Variants in MADD observed in about 807,000 individuals in gnomAD.
The protein encoded by MADD is MAP kinase-activating death domain protein.
A neutral mutation model predicts 176.7 loss-of-function variants in MADD; 109 were observed. That is an observed-to-expected ratio of 0.62 (90% CI 0.53 to 0.72). MADD has a LOEUF of 0.72. Among genes scored for constraint, MADD ranks in the 30% least tolerant of loss-of-function variants. The pLI is 0.00. For synonymous variants in MADD, 771 were observed against 771.3 expected, an observed-to-expected ratio of 1.00 and a Z score of 0.01; for missense variants, 1,914 against 2,045.5, an observed-to-expected ratio of 0.94 and a Z score of 1.24.
intron 3 of MADD, among the ~76,000 whole-genome samples, chr11:47,275,679 T>C (rs949157090): frequency 1.3e-5 from 2 of 152,260 alleles, no homozygotes; most frequent in African/African-American, 4.8e-5. Flanking sequence ...TTTGGTGTTT[T>C]AACTGTGGTT....
chr11:47,278,226 T>C lies in MADD; in HGVS notation c.1157T>C (p.Leu386Pro), dbSNP rs1311809820. Residue 386 changes from leucine to proline, a missense_variant, in exon 6 of 33, where the codon CTG (leucine) becomes CCG (proline). Around this residue, in one of 2 missense-constraint regions of MADD, gnomAD observed 1,767 missense variants for 1,836.0 expected, o/e 0.96. Transcript: ENST00000402192. ...CCTGCCAGCTTCTTCCTCTACAAAC[T>C]GGACTTCAAAATGCCTGATGATGTA... 3 of 1,614,174 alleles carry C rather than the reference T, an allele frequency of 1.9e-6. No homozygotes were observed. The highest frequency in any genetic ancestry group is 2.5e-6 in the Non-Finnish European group (3 of 1,180,022).
intron 5 of MADD, 92 bp downstream of exon 5, chr11:47,276,955 C>T: frequency 1.4e-6 from 2 of 1,432,352 alleles, no homozygotes; most frequent in African/African-American, 1.4e-5. Flanking sequence ...AGTGCTGGTC[C>T]TCAATCCTTT....
intron 27 of MADD, among the ~76,000 whole-genome samples, chr11:47,318,068 C>T (rs2093577150): frequency 6.6e-6 from 1 of 152,124 alleles, no homozygotes; most frequent in African/African-American, 2.4e-5. Flanking sequence ...TCACGCCTGG[C>T]TACTTTTATA....
intron 22 of MADD, among the ~76,000 whole-genome samples, chr11:47,298,657 CCTT>C (rs1393414214): frequency 5.3e-5 from 8 of 152,096 alleles, no homozygotes; most frequent in Admixed American, 5.2e-4. Flanking sequence ...TTCATCGTGT[CCTT>C]TGTTGTGTAG....
exon 33 of MADD, chr11:47,329,191 C>G (rs1414907595): frequency 3.4e-6 from 5 of 1,485,716 alleles, no homozygotes; most frequent in Non-Finnish European, 4.7e-6. Flanking sequence ...AGGGCACGCC[C>G]CTGGCCCCTT....
chr11:47,275,009 G>A lies in MADD; in HGVS notation c.509G>A (p.Arg170His), dbSNP rs752898668. 1.5e-5 allele frequency: 25 copies of A among 1,614,074 alleles called. No homozygotes were observed. The highest frequency in any genetic ancestry group is 5.0e-5 in the Admixed American group (3 of 60,014). The stretch of plus-strand genomic sequence containing the variant: ...CGGGCCAAGGCGGGGAGCCGCTCCC[G>A]CAACAGTACTCTCACGTCCCTGTGC... Residue 170 changes from arginine to histidine, a missense_variant, in exon 3 of 33, where the codon CGC becomes CAC. Physicochemically the swap from Arg to His is conservative, Grantham distance 29. Transcript: ENST00000402192.
In MADD at chr11:47,285,597, GCC is replaced by G; in HGVS notation, c.2551+8_2551+9del. On this transcript the variant is annotated splice_region_variant and intron_variant, in intron 14 of 32. Coordinates refer to ENST00000402192, the Ensembl canonical transcript of MADD. Reference sequence around the variant, plus strand: ...GGCATCATGTCTTTTGCCAGTAAGTGCCTTCAGCTGTCTCTCTCACTCCTGTG... The same window carrying G: ...GGCATCATGTCTTTTGCCAGTAAGTGTTCAGCTGTCTCTCTCACTCCTGTG... 1 of 1,613,934 alleles carries G rather than the reference GCC, an allele frequency of 6.2e-7. No homozygotes were observed. Among genetic ancestry groups the G allele is most frequent in the African/African-American group, 1.3e-5 (1 of 75,018 alleles).
At chr11:47,292,651 C>A in intron 19 of MADD, 55 bp downstream of exon 21, 1 of 1,577,138 alleles carries the variant, frequency 6.3e-7, no homozygotes, top group African/African-American at 1.3e-5. Context: ...GCCAACTCCC[C>A]AGGCCCAGTT....
exon 16 of MADD, chr11:47,289,459 C>T (rs772567117): frequency 6.2e-6 from 10 of 1,614,046 alleles, no homozygotes. Flanking sequence ...GAAAAGAGAA[C>T]CTCCATCACC....
At chr11:47,269,621 A>G (rs563645668), upstream of MADD, 4 of 146,710 alleles carry the variant, frequency 2.7e-5, no homozygotes, top group South Asian at 9.0e-4. Flanking sequence ...ACGCCCCCCC[A>G]CTCCCCGCGC....
exon 9 of MADD, chr11:47,282,454 C>T: frequency 6.2e-7 from 1 of 1,614,198 alleles, no homozygotes; most frequent in Non-Finnish European, 8.5e-7. Flanking sequence ...TACCCTGCGC[C>T]TCTTTCCTCG....
chr11:47,281,055 C>A (rs1388906542), intron 7 of MADD, among the ~76,000 whole-genome samples: 1 of 152,184 alleles, frequency 6.6e-6, no homozygotes, highest in Non-Finnish European at 1.5e-5. Flanking sequence ...CCTGGTGATT[C>A]TTCTCCTCAC....
upstream of MADD, chr11:47,269,553 G>A (rs1958275927): frequency 6.6e-6 from 1 of 152,214 alleles, no homozygotes; most frequent in Non-Finnish European, 1.5e-5. Context: ...GTCCTGAGGC[G>A]GGGCTGTCCT....
At chr11:47,327,809 C>T in intron 31 of MADD, 1 of 985,434 alleles carries the variant, frequency 1.0e-6, no homozygotes, top group Non-Finnish European at 1.2e-6. Flanking sequence ...TTTTCTGGCC[C>T]CCAGGGAGAT....
At chr11:47,272,948 A>G (rs2046084371) in intron 1 of MADD, among the ~76,000 whole-genome samples, 1 of 152,222 alleles carries the variant, frequency 6.6e-6, no homozygotes. Flanking sequence ...TCTTGCCTGA[A>G]GGAGGGAGAA....
rs567959996 is a variant in MADD, at chr11:47,308,516, T to C, written c.3643-75T>C. 9.5e-5 allele frequency: 97 copies of C among 1,018,324 alleles called. No homozygotes were observed. The African/African-American group carries it at 1.4e-3, about 15-fold the overall frequency. 63.1% of individuals were successfully genotyped at this position (1,018,324 alleles called of 1,614,324 possible). On this transcript the variant is annotated intron_variant, in intron 22 of 32. Coordinates refer to ENST00000402192, the Ensembl canonical transcript of MADD. ...GATGGTGACTGGTGTGAGAGCCTCT[T>C]AGTGAAGTGCGTGGTTTCCTTTGTC...
chr11:47,274,897 A>G (rs759062609), exon 3 of MADD: 5 of 1,613,870 alleles, frequency 3.1e-6, no homozygotes, highest in African/African-American at 2.7e-5. Flanking sequence ...AGAGGGTGGC[A>G]CTGAGAGCTC....
At chr11:47,297,773 TTTTC>T (rs1244984486) in intron 22 of MADD, among the ~76,000 whole-genome samples, 13 of 143,228 alleles carry the variant, frequency 9.1e-5, no homozygotes, top group South Asian at 4.5e-4. Flanking sequence ...TTTTCTTTTC[TTTTC>T]TTTCTTTCTT....
chr11:47,297,059 G>C (rs969262122), intron 22 of MADD, among the ~76,000 whole-genome samples: 1 of 152,128 alleles, frequency 6.6e-6, no homozygotes, highest in Non-Finnish European at 1.5e-5. Flanking sequence ...ACTGTGCCCA[G>C]CCTCTGCTTT....
Sources: allele counts gnomAD v4.1 joint callset (sites outside exome capture counted in the v4.1 genomes callset), GRCh38; gene constraint gnomAD v4.1.1; regional missense constraint gnomAD v4.1.1; transcripts MANE v1.5; gene names NCBI Gene and HGNC (gene_info 2026-07-23, HGNC 2026-07-21).